Variants in MTCL2 observed in about 807,000 individuals in gnomAD.
MTCL2 encodes the protein microtubule crosslinking factor 2.
chr20:36,833,453 C>A, the MTCL2 span, among the ~76,000 whole-genome samples: 1 of 152,268 alleles, frequency 6.6e-6, no homozygotes, highest in Non-Finnish European at 1.5e-5. Context: ...CTGCCAAGTG[C>A]AACTAGCAGC....
the MTCL2 span, chr20:36,797,708 A>C: frequency 2.7e-6 from 2 of 745,612 alleles, no homozygotes; most frequent in Middle Eastern, 3.5e-4. Flanking sequence ...CCACCTTCTC[A>C]GTGGGTAGCA....
chr20:36,795,682 A>G, the MTCL2 span, among the ~76,000 whole-genome samples: 3 of 152,150 alleles, frequency 2.0e-5, no homozygotes, highest in African/African-American at 7.2e-5. Flanking sequence ...AGGCTGAGGC[A>G]GGAGAATTGC....
the MTCL2 span, chr20:36,829,176 G>A: frequency 2.5e-6 from 4 of 1,610,750 alleles, no homozygotes; most frequent in Non-Finnish European, 3.4e-6. Context: ...ACCACCTCGA[G>A]CTCCTTATGC....
the MTCL2 span, among the ~76,000 whole-genome samples, chr20:36,850,860 A>G: frequency 6.6e-6 from 1 of 152,268 alleles, no homozygotes; most frequent in Non-Finnish European, 1.5e-5. Flanking sequence ...ACGTCCACGC[A>G]ATAGAATACT....
At chr20:36,815,690 G>T in the MTCL2 span, 1 of 1,604,588 alleles carries the variant, frequency 6.2e-7, no homozygotes, top group South Asian at 1.1e-5. This position sits in a 1 kb window ranked among gnomAD's most constrained non-coding sequence, Gnocchi z 5.3. Context: ...TGACCTTGCC[G>T]CTGAGCTCGC....
At chr20:36,810,469 T>A in the MTCL2 span, among the ~76,000 whole-genome samples, 1 of 152,218 alleles carries the variant, frequency 6.6e-6, no homozygotes, top group Non-Finnish European at 1.5e-5. Flanking sequence ...ACTTAAAAGA[T>A]GCTTAATGGA....
chr20:36,782,744 AG>A, the MTCL2 span: 1 of 152,164 alleles, frequency 6.6e-6, no homozygotes, highest in African/African-American at 2.4e-5. Flanking sequence ...CACGTTGGCC[AG>A]GCTGGCGTTG....
At chr20:36,799,073 A>C in the MTCL2 span, among the ~76,000 whole-genome samples, 1 of 152,126 alleles carries the variant, frequency 6.6e-6, no homozygotes, top group African/African-American at 2.4e-5. Flanking sequence ...AAATAACACT[A>C]GGCCAGGTGT....
At chr20:36,813,836 T>G in the MTCL2 span, among the ~76,000 whole-genome samples, 1 of 150,484 alleles carries the variant, frequency 6.6e-6, no homozygotes, top group African/African-American at 2.4e-5. Flanking sequence ...AAAAATTCCC[T>G]GCCATTGCTC....
chr20:36,784,795 G>A, the MTCL2 span: 15 of 985,704 alleles, frequency 1.5e-5, no homozygotes, highest in Non-Finnish European at 1.8e-5. Context: ...AGGCTAAGGA[G>A]AGAGGCTGGT....
chr20:36,789,264 G>A, the MTCL2 span, among the ~76,000 whole-genome samples: 1 of 152,310 alleles, frequency 6.6e-6, no homozygotes, highest in African/African-American at 2.4e-5. Flanking sequence ...ATATGGAAGT[G>A]ATGGTTAATT....
chr20:36,822,205 G>A, the MTCL2 span, among the ~76,000 whole-genome samples: 2 of 152,262 alleles, frequency 1.3e-5, no homozygotes, highest in African/African-American at 4.8e-5. Flanking sequence ...GCTGCACCCC[G>A]CAAGAAAGCC....
At chr20:36,777,786 C>A in the MTCL2 span, 1 of 606,722 alleles carries the variant, frequency 1.6e-6, no homozygotes, top group South Asian at 2.0e-5. Flanking sequence ...ACAGTATTGG[C>A]GGGGGCTGGG....
the MTCL2 span, among the ~76,000 whole-genome samples, chr20:36,825,663 G>A: frequency 3.9e-5 from 6 of 152,172 alleles, no homozygotes; most frequent in South Asian, 6.2e-4. Context: ...GCACCACCTC[G>A]GCAGCCTGTC....
the MTCL2 span, among the ~76,000 whole-genome samples, chr20:36,823,045 C>T: frequency 6.6e-6 from 1 of 152,228 alleles, no homozygotes; most frequent in Non-Finnish European, 1.5e-5. Flanking sequence ...AGGCGTGAGC[C>T]ACTGTGCCCG....
chr20:36,818,564 C>T, the MTCL2 span, among the ~76,000 whole-genome samples: 1 of 152,276 alleles, frequency 6.6e-6, no homozygotes, highest in East Asian at 1.9e-4. Context: ...CTTTGGGAGG[C>T]TGAGGTGAGA....
the MTCL2 span, among the ~76,000 whole-genome samples, chr20:36,822,940 G>A: frequency 6.6e-6 from 1 of 151,988 alleles, no homozygotes; most frequent in African/African-American, 2.4e-5. Flanking sequence ...TGTATTTTTT[G>A]TAGAAATGGG....
chr20:36,851,012 C>G, the MTCL2 span, among the ~76,000 whole-genome samples: 2 of 152,020 alleles, frequency 1.3e-5, no homozygotes, highest in African/African-American at 4.8e-5. Flanking sequence ...CGGCAAGGCT[C>G]TAGGGACAGA....
At chr20:36,778,318 T>C in the MTCL2 span, 1 of 153,002 alleles carries the variant, frequency 6.5e-6, no homozygotes, top group Non-Finnish European at 1.5e-5. Context: ...AGATCAGCAG[T>C]TGGCATATTC....
Sources: gnomAD v4.1 joint callset for allele counts (sites outside exome capture counted in the v4.1 genomes callset) on GRCh38, gnomAD v4.1.1 for gene constraint, Gnocchi (gnomAD v3.1) non-coding constraint, MANE v1.5 for transcripts, NCBI Gene and HGNC (gene_info 2026-07-23, HGNC 2026-07-21) for gene names.